The following MTHFD2L variants were observed in gnomAD, a reference collection of about 807,000 sequenced individuals.
MTHFD2L encodes the protein bifunctional methylenetetrahydrofolate dehydrogenase/cyclohydrolase 2, mitochondrial.
In MTHFD2L, 29 loss-of-function variants were observed where a neutral mutation model predicts 34.9. That is an observed-to-expected ratio of 0.83 (90% CI 0.62 to 1.13). The LOEUF is 1.13. Ranked by LOEUF, MTHFD2L falls within the 50% of genes most tolerant of loss-of-function variation. MTHFD2L has a pLI of 0.00. For synonymous variants in MTHFD2L, 167 were observed against 155.7 expected (o/e 1.07, Z -0.54); for missense variants, 481 against 446.5 (o/e 1.08, Z -0.70).
chr4:74,157,983 C>A (rs1410223125), upstream of MTHFD2L: 2 of 1,176,732 alleles, frequency 1.7e-6, no homozygotes, highest in Non-Finnish European at 2.4e-6. Flanking sequence ...TCCTGGGAAC[C>A]GCTCTTTACC....
intron 6 of MTHFD2L, among the ~76,000 whole-genome samples, chr4:74,262,254 A>C (rs547449193): frequency 1.6e-4 from 24 of 152,134 alleles, no homozygotes; most frequent in African/African-American, 5.5e-4. Flanking sequence ...GAGATAAAGA[A>C]CATAAATTAA....
chr4:74,216,673 T>C (rs566461026), intron 5 of MTHFD2L, among the ~76,000 whole-genome samples: 1 of 151,908 alleles, frequency 6.6e-6, no homozygotes, highest in African/African-American at 2.4e-5. Flanking sequence ...TTTACTCCCC[T>C]TAGTTTTCCC....
chr4:74,187,728 T>C (rs1731563521), intron 3 of MTHFD2L, among the ~76,000 whole-genome samples: 1 of 126,634 alleles, frequency 7.9e-6, no homozygotes, highest in African/African-American at 3.9e-5. Context: ...TCTTAAAACG[T>C]TAAATACACA....
At chr4:74,295,156 T>A (rs1749474316) in intron 7 of MTHFD2L, among the ~76,000 whole-genome samples, 1 of 152,054 alleles carries the variant, frequency 6.6e-6, no homozygotes, top group African/African-American at 2.4e-5. Context: ...CCAACCTCAG[T>A]TTCTTGACCC....
intron 6 of MTHFD2L, among the ~76,000 whole-genome samples, chr4:74,281,177 C>T (rs1165465968): frequency 1.3e-5 from 2 of 152,092 alleles, no homozygotes; most frequent in African/African-American, 4.8e-5. Context: ...CCTGTGATGT[C>T]AGGTGAGCCA....
intron 1 of MTHFD2L, among the ~76,000 whole-genome samples, chr4:74,146,225 CAAT>C (rs1254414543): frequency 2.0e-5 from 3 of 152,028 alleles, no homozygotes; most frequent in African/African-American, 7.2e-5. Context: ...AGATGTGACT[CAAT>C]AATTTATTTC....
chr4:74,250,412 A>G (rs564081198), intron 6 of MTHFD2L, among the ~76,000 whole-genome samples: 16 of 151,804 alleles, frequency 1.1e-4, no homozygotes, highest in Admixed American at 3.3e-4. Context: ...TTATGTATCT[A>G]TTTATTTGTA....
At chr4:74,227,367 T>G (rs897832934) in intron 6 of MTHFD2L, among the ~76,000 whole-genome samples, 1 of 151,798 alleles carries the variant, frequency 6.6e-6, no homozygotes, top group African/African-American at 2.4e-5. Context: ...CAGCTTTTGT[T>G]TTTATCTTAG....
chr4:74,228,495 T>C (rs933020259), intron 6 of MTHFD2L, among the ~76,000 whole-genome samples: 2 of 152,232 alleles, frequency 1.3e-5, no homozygotes, highest in Non-Finnish European at 2.9e-5. Flanking sequence ...GAGTATTTTA[T>C]TCTAGTGGAG....
intron 6 of MTHFD2L, among the ~76,000 whole-genome samples, chr4:74,275,046 A>C (rs893742554): frequency 2.6e-5 from 4 of 152,150 alleles, no homozygotes; most frequent in African/African-American, 9.7e-5. Context: ...GCACCTATCA[A>C]CGCATCACCT....
chr4:74,236,978 A>G (rs918645362), intron 6 of MTHFD2L, among the ~76,000 whole-genome samples: 1 of 152,196 alleles, frequency 6.6e-6, no homozygotes, highest in Non-Finnish European at 1.5e-5. Flanking sequence ...AAGTGGTTTA[A>G]TAACACCCAT....
rs991631736 is a variant in MTHFD2L, at chr4:74,225,465, G to C, written c.805+71G>C. The stretch of plus-strand genomic sequence containing the variant: ...TAATTCCTGCCCTAAATGCTGACAT[G>C]TTTGAAAGCTTTTTGAGAGAGTTAG... On this transcript the variant is annotated intron_variant, in intron 6 of 7. Transcript: ENST00000325278. The C allele has an allele frequency of 1.4e-5, 18 of 1,252,506 alleles. No individual in the cohort carries two copies. In the South Asian group the frequency reaches 2.1e-4, roughly 15 times the overall value. 77.6% of individuals were successfully genotyped at this position (1,252,506 alleles called of 1,614,324 possible).
intron 7 of MTHFD2L, among the ~76,000 whole-genome samples, chr4:74,284,564 T>A (rs1427644968): frequency 6.6e-6 from 1 of 151,924 alleles, no homozygotes; most frequent in Non-Finnish European, 1.5e-5. Flanking sequence ...GTTTGAGTTC[T>A]TTGTAGATTC....
chr4:74,189,576 T>C (rs1237973430), intron 3 of MTHFD2L, among the ~76,000 whole-genome samples: 2 of 149,236 alleles, frequency 1.3e-5, no homozygotes, highest in Admixed American at 6.7e-5. Flanking sequence ...AGCAGTGGGA[T>C]TGGTTGGTGT....
chr4:74,171,383 A>G (rs968197578), intron 1 of MTHFD2L, among the ~76,000 whole-genome samples: 2 of 152,218 alleles, frequency 1.3e-5, no homozygotes. Context: ...CAGAACTCAT[A>G]TAGTGTTTGA....
intron 6 of MTHFD2L, among the ~76,000 whole-genome samples, chr4:74,273,300 A>G (rs1468002540): frequency 1.3e-5 from 2 of 152,152 alleles, no homozygotes; most frequent in East Asian, 3.9e-4. Flanking sequence ...CAGCCAGAAG[A>G]AAGGGGGAAC....
At chr4:74,191,851 C>G (rs1164126370) in intron 3 of MTHFD2L, among the ~76,000 whole-genome samples, 1 of 152,180 alleles carries the variant, frequency 6.6e-6, no homozygotes, top group Non-Finnish European at 1.5e-5. Context: ...GCCACCGTGC[C>G]TGACCTCTTT....
intron 6 of MTHFD2L, among the ~76,000 whole-genome samples, chr4:74,231,953 A>G (rs147792946): frequency 8.7e-4 from 132 of 152,324 alleles, no homozygotes; most frequent in African/African-American, 3.1e-3. Flanking sequence ...AAGCTAGCCA[A>G]TCCATGTAAA....
intron 1 of MTHFD2L, among the ~76,000 whole-genome samples, chr4:74,142,198 T>TC (rs1237571173): frequency 7.2e-5 from 11 of 152,236 alleles, no homozygotes; most frequent in African/African-American, 2.7e-4. Flanking sequence ...AAGTCTTATG[T>TC]TTTACCTTTT....
Sources: gnomAD v4.1 joint callset for allele counts (sites outside exome capture counted in the v4.1 genomes callset) on GRCh38, gnomAD v4.1.1 for gene constraint, MANE v1.5 for transcripts, NCBI Gene and HGNC (gene_info 2026-07-23, HGNC 2026-07-21) for gene names.